The following CBLN2 variants were observed in gnomAD, a reference collection of about 807,000 sequenced individuals.
CBLN2 encodes cerebellin 2 precursor.
Under a neutral mutation model 15.0 loss-of-function variants are expected in CBLN2, and 7 were observed. That is an observed-to-expected ratio of 0.47 (90% CI 0.27 to 0.88). The LOEUF (loss-of-function observed/expected upper bound fraction) is 0.88, where lower values mean the gene tolerates loss of function less well. CBLN2 is among the 40% of genes least tolerant of loss of function. The pLI is 0.14. For synonymous variants in CBLN2, 149 were observed against 135.2 expected (o/e 1.10, Z -0.71); for missense variants, 242 against 304.5 (o/e 0.79, Z 1.53).
chr18:72,567,449 T>C (rs2069302691), intron 1 of CBLN2, among the ~76,000 whole-genome samples: 1 of 152,132 alleles, frequency 6.6e-6, no homozygotes, highest in Admixed American at 6.6e-5. Context: ...ATTATTTCTG[T>C]TATATGTCAT....
At position 72,544,108 on chromosome 18, in the gene CBLN2, T is replaced by C. The variant is rs541626814; in HGVS notation, c.-343A>G. The C allele has an allele frequency of 6.7e-6, 1 of 148,402 alleles. No individual in the cohort carries two copies. Among genetic ancestry groups the C allele is most frequent in the African/African-American group, 2.5e-5 (1 of 39,962 alleles). 9.2% of individuals were successfully genotyped at this position (148,402 alleles called of 1,614,324 possible). A position where few individuals can be genotyped will look rare whatever the true frequency, so the allele number is the denominator to read the frequency against. On this transcript the variant is annotated 5_prime_UTR_variant, in exon 1 of 5. Coordinates refer to ENST00000269503, the MANE Select transcript of CBLN2 (RefSeq NM_182511.4). ...ATTCCCTCCAAGTCTTAATATTGAATGGCGTGACCACTTTCATAATGACAG... is the reference window on the plus strand; with the variant it reads ...ATTCCCTCCAAGTCTTAATATTGAACGGCGTGACCACTTTCATAATGACAG...
chr18:72,634,464 C>A (rs1291634161), intron 1 of CBLN2, among the ~76,000 whole-genome samples: 3 of 151,844 alleles, frequency 2.0e-5, no homozygotes, highest in East Asian at 1.9e-4. Context: ...TTGGATAAGA[C>A]CCTAATAATT....
chr18:72,560,496 CA>C (rs969892220), intron 1 of CBLN2, among the ~76,000 whole-genome samples: 25 of 152,060 alleles, frequency 1.6e-4, no homozygotes, highest in African/African-American at 5.8e-4. Context: ...TTCTTTGGGA[CA>C]GGGGTTTGCA....
intron 3 of CBLN2, among the ~76,000 whole-genome samples, chr18:72,541,174 C>T (rs2069107460): frequency 6.6e-6 from 1 of 152,142 alleles, no homozygotes; most frequent in Non-Finnish European, 1.5e-5. Flanking sequence ...TTCATGTATA[C>T]ATTATATATA....
At chr18:72,558,292 C>A (rs1213470367) in intron 1 of CBLN2, among the ~76,000 whole-genome samples, 1 of 152,142 alleles carries the variant, frequency 6.6e-6, no homozygotes, top group Non-Finnish European at 1.5e-5. Flanking sequence ...GGGTTTGGTG[C>A]TTGTCACTGA....
chr18:72,581,980 G>A (rs552613970), intron 1 of CBLN2, among the ~76,000 whole-genome samples: 90 of 152,204 alleles, frequency 5.9e-4, no homozygotes, highest in African/African-American at 7.9e-4. Context: ...GGAGCTTCTC[G>A]TCTTCACACC....
chr18:72,538,532 A>C (rs878886750), intron 4 of CBLN2, 121 bp downstream of exon 4: 4 of 1,470,604 alleles, frequency 2.7e-6, no homozygotes, highest in East Asian at 2.3e-5. Context: ...TCAGAGCCAC[A>C]TCACCCCCTG....
At chr18:72,547,840 A>C (rs2069168202), upstream of CBLN2, among the ~76,000 whole-genome samples, 2 of 152,174 alleles carry the variant, frequency 1.3e-5, no homozygotes, top group African/African-American at 4.8e-5. Flanking sequence ...TCGTTTAGTA[A>C]AGTTTTAAGT....
At chr18:72,552,027 A>G (rs1299320699) in intron 1 of CBLN2, among the ~76,000 whole-genome samples, 1 of 149,432 alleles carries the variant, frequency 6.7e-6, no homozygotes, top group African/African-American at 2.5e-5. Flanking sequence ...TTTCTTTCCC[A>G]TTTATCTAAC....
At chr18:72,565,355 TA>T (rs2069287838) in intron 1 of CBLN2, among the ~76,000 whole-genome samples, 1 of 152,134 alleles carries the variant, frequency 6.6e-6, no homozygotes, top group Admixed American at 6.6e-5. Flanking sequence ...ACCACCATTA[TA>T]GTATTTCTAG....
chr18:72,541,924 G>A lies in CBLN2; in HGVS notation c.237C>T (p.Thr79=), dbSNP rs1000379740. 2 of 1,608,370 alleles carry A rather than the reference G, an allele frequency of 1.2e-6. No homozygotes were observed. Among genetic ancestry groups the A allele is most frequent in the Non-Finnish European group, 1.7e-6 (2 of 1,179,498 alleles). ...AGCGCACGGAGATGCCTAGGGAGGA[G>A]GTGACGGCGCCGTCCGCCGACGGGC... ...DSSPSADGAV[T]SSLGISVRSG... The change falls in exon 3 of 5, where the codon ACC becomes ACT. Residue 79 remains threonine (T), a synonymous_variant. Transcript: ENST00000269503.
chr18:72,600,972 G>A (rs1952254547), intron 1 of CBLN2, among the ~76,000 whole-genome samples: 1 of 152,118 alleles, frequency 6.6e-6, no homozygotes, highest in Non-Finnish European at 1.5e-5. Context: ...ATCTCAAAAG[G>A]CCAATCTTAG....
chr18:72,576,969 T>C (rs1241025954), intron 1 of CBLN2, among the ~76,000 whole-genome samples: 2 of 147,950 alleles, frequency 1.4e-5, no homozygotes, highest in African/African-American at 4.9e-5. Flanking sequence ...TATAAATATA[T>C]ATAAATGTGA....
chr18:72,546,081 A>T (rs569866706), upstream of CBLN2, among the ~76,000 whole-genome samples: 1 of 152,232 alleles, frequency 6.6e-6, no homozygotes, highest in African/African-American at 2.4e-5. Context: ...ACCATAAAAG[A>T]TAGCAAATTG....
In CBLN2 at chr18:72,566,205, C is replaced by A. The variant is rs548256230; in HGVS notation, c.16-27433G>T. The stretch of plus-strand genomic sequence containing the variant: ...GGATATGGAGGGAAGGGAACACTTG[C>A]ACACTGTTGGTGGGAATGTAAATTA... On this transcript the variant is annotated intron_variant, in intron 1 of 2. Transcript: ENST00000581073. 1.8e-3 allele frequency among the ~76,000 whole-genome samples: 275 copies of A among 152,184 alleles called. 1 individual carries two copies. The highest frequency in any genetic ancestry group is 3.6e-3 in the Admixed American group (55 of 15,278).
chr18:72,589,398 C>T (rs921022113), intron 1 of CBLN2, among the ~76,000 whole-genome samples: 2 of 152,148 alleles, frequency 1.3e-5, no homozygotes, highest in Admixed American at 6.6e-5. Context: ...ACTGTATTTG[C>T]AATGCCTGTG....
chr18:72,627,987 G>A (rs906368156), intron 1 of CBLN2, among the ~76,000 whole-genome samples: 1 of 152,020 alleles, frequency 6.6e-6, no homozygotes, highest in African/African-American at 2.4e-5. Flanking sequence ...CCCATTCTTT[G>A]CATTTTCTTA....
At chr18:72,564,518 A>G (rs1013312883) in intron 1 of CBLN2, among the ~76,000 whole-genome samples, 2 of 152,176 alleles carry the variant, frequency 1.3e-5, no homozygotes, top group African/African-American at 4.8e-5. Context: ...TCAGAGATAC[A>G]ATTAAATTAA....
At chr18:72,538,915 C>G (rs1302052124) in intron 3 of CBLN2, 143 bp from the exon 4 acceptor site, 4 of 1,035,460 alleles carry the variant, frequency 3.9e-6, no homozygotes, top group Admixed American at 2.6e-5. Flanking sequence ...TCTGGCTTCC[C>G]CAGGAAGGAG....
Sources: allele counts gnomAD v4.1 joint callset (sites outside exome capture counted in the v4.1 genomes callset), GRCh38; gene constraint gnomAD v4.1.1; transcripts MANE v1.5; gene names NCBI Gene and HGNC (gene_info 2026-07-23, HGNC 2026-07-21).